MTR: variants seen among roughly 807,000 people sequenced by gnomAD.
The protein encoded by MTR is 5-methyltetrahydrofolate-homocysteine methyltransferase.
In MTR, 84 loss-of-function variants were observed where a neutral mutation model predicts 154.8. The observed-to-expected ratio is 0.54, with a 90% confidence interval of 0.45 to 0.65. The LOEUF is 0.65. Ranked by LOEUF, MTR falls within the 30% of genes least tolerant of loss-of-function variation. The pLI, the probability that MTR is intolerant of heterozygous loss-of-function variation, is 0.00. For synonymous variants in MTR, 554 were observed against 553.9 expected (o/e 1.00, Z 0.00); for missense variants, 1,275 against 1,570.2 (o/e 0.81, Z 3.18).
intron 14 of MTR, 126 bp downstream of exon 14, chr1:236,835,813 CAG>C (rs1369638767): frequency 3.7e-5 from 48 of 1,301,758 alleles, no homozygotes; most frequent in Non-Finnish European, 5.1e-5. Flanking sequence ...ACATCGAAAA[CAG>C]GGTAGTTTCT....
chr1:236,795,343 G>T lies in MTR; in HGVS notation c.-361G>T. 7.6e-7 allele frequency: 1 copy of T among 1,322,538 alleles called. No homozygotes were observed. The highest frequency in any genetic ancestry group is 1.3e-5 in the South Asian group (1 of 78,592). The allele number at this position is 1,322,538 out of a possible 1,614,324, so 81.9% of individuals were successfully genotyped here. ...TAAATGTCTGCGGGGCTCAGAGCCG[G>T]ATGTCACGTCGTCCTCCTCTGCCGG... On this transcript the variant is annotated 5_prime_UTR_variant, in exon 1 of 33. Coordinates refer to ENST00000366577, the MANE Select transcript of MTR (RefSeq NM_000254.3).
intron 22 of MTR, among the ~76,000 whole-genome samples, chr1:236,872,446 C>G (rs984405380): frequency 6.6e-6 from 1 of 152,156 alleles, no homozygotes; most frequent in African/African-American, 2.4e-5. Flanking sequence ...CAGGACCTGA[C>G]CTCTTTTTCA....
At position 236,854,447 on chromosome 1, in the gene MTR, A is replaced by C. The variant is rs1203549119; in HGVS notation, c.1953+1359A>C. On this transcript the variant is annotated intron_variant, in intron 18 of 32. Coordinates refer to ENST00000366577, the MANE Select transcript of MTR (RefSeq NM_000254.3). ...ATTTTTAATTTTTTTCCTATTGACC[A>C]CATAGAGTGCTTAGCCCTGTCGTCT... Among the ~76,000 whole-genome samples, 5 of 152,306 alleles carry C rather than the reference A, an allele frequency of 3.3e-5. No individual in the cohort carries two copies. In the East Asian group the frequency reaches 9.6e-4, roughly 29 times the overall value.
At chr1:236,809,548 TCA>T (rs1661183064) in intron 4 of MTR, among the ~76,000 whole-genome samples, 1 of 152,204 alleles carries the variant, frequency 6.6e-6, no homozygotes, top group African/African-American at 2.4e-5. Context: ...ATGTTTAAAT[TCA>T]TGGAAATGCA....
At position 236,852,256 on chromosome 1, in the gene MTR, CGT is replaced by C. The variant is rs3856242; in HGVS notation, c.1696-246_1696-245del. The stretch of plus-strand genomic sequence containing the variant: ...TAAGGAATTCCTCTTTGTCTTTCTG[CGT>C]GTGTGTGTGTGTGTGTGTACGCGCG... On this transcript the variant is annotated intron_variant, in intron 16 of 32. Transcript: ENST00000366577. Among the ~76,000 whole-genome samples the C allele has an allele frequency of 0.41, 61,154 of 150,160 alleles. 12,518 individuals are homozygous for C. Among genetic ancestry groups the C allele is most frequent in the East Asian group, 0.46 (2,314 of 5,066 alleles).
intron 20 of MTR, among the ~76,000 whole-genome samples, chr1:236,861,971 AG>A (rs1167182696): frequency 6.6e-6 from 1 of 152,168 alleles, no homozygotes; most frequent in Admixed American, 6.5e-5. Context: ...TCCTAGACAG[AG>A]GAAAAAAAAA....
chr1:236,814,769 T>C (rs1661492063), intron 6 of MTR, among the ~76,000 whole-genome samples: 2 of 152,180 alleles, frequency 1.3e-5, no homozygotes, highest in African/African-American at 2.4e-5. Context: ...CCCACCCCAT[T>C]TTCCAGAACT....
At chr1:236,845,184 T>C (rs1663497527) in intron 15 of MTR, among the ~76,000 whole-genome samples, 1 of 152,244 alleles carries the variant, frequency 6.6e-6, no homozygotes, top group Admixed American at 6.5e-5. Flanking sequence ...TTCCACATCC[T>C]GTGTTTACTC....
chr1:236,893,932 G>A (rs1174538014), intron 29 of MTR, among the ~76,000 whole-genome samples: 1 of 152,162 alleles, frequency 6.6e-6, no homozygotes, highest in Non-Finnish European at 1.5e-5. Flanking sequence ...GGAGAGTGGA[G>A]GCGCTTCCAT....
chr1:236,823,372 A>G (rs1405456406), intron 8 of MTR, among the ~76,000 whole-genome samples: 1 of 152,150 alleles, frequency 6.6e-6, no homozygotes, highest in African/African-American at 2.4e-5. Flanking sequence ...AAAAAGTTTC[A>G]TATTTTGAAG....
At chr1:236,877,695 A>G (rs939514337) in intron 24 of MTR, among the ~76,000 whole-genome samples, 2 of 152,170 alleles carry the variant, frequency 1.3e-5, no homozygotes, top group African/African-American at 2.4e-5. Context: ...CAATGCTGCT[A>G]TGAACACTTA....
At chr1:236,862,974 G>C (rs1451229964) in intron 21 of MTR, among the ~76,000 whole-genome samples, 1 of 151,384 alleles carries the variant, frequency 6.6e-6, no homozygotes, top group Non-Finnish European at 1.5e-5. Flanking sequence ...TTCTTTTTTT[G>C]GGGCAGTAGT....
rs1558347264 is a variant in MTR, at chr1:236,894,404, CT to C, written c.3254del (p.Phe1085SerfsTer23). The stretch of plus-strand genomic sequence containing the variant: ...CGGAGCCATACTACTGCCTCTCAGA[CT>C]TCATCGCTCCCTTGCATTCTGGCAT... ...STEPYYCLSDFIAPLHSGIRD... is the reference protein window; with the variant it reads ...STEPYYCLSDXIAPLHSGIRD... On this transcript the variant is annotated frameshift_variant, in exon 30 of 33. Coordinates refer to ENST00000366577, the MANE Select transcript of MTR (RefSeq NM_000254.3). LOFTEE classifies it high-confidence loss of function. 2 of 1,614,104 alleles carry C rather than the reference CT, an allele frequency of 1.2e-6. No individual in the cohort carries two copies.
rs558673187 is a variant in MTR at position 236,825,183 on chromosome 1, CTT to C, written c.866-153_866-152del. 6.4e-4 allele frequency among the ~76,000 whole-genome samples: 72 copies of C among 111,724 alleles called. 1 individual carries two copies. The South Asian group carries it at 0.019, about 30-fold the overall frequency. 73.3% of individuals were successfully genotyped at this position (111,724 alleles called of 152,430 possible). A position where few individuals can be genotyped will look rare whatever the true frequency, so the allele number is the denominator to read the frequency against. On this transcript the variant is annotated intron_variant, in intron 9 of 32. Transcript: ENST00000366577. Reference sequence around the variant, plus strand: ...TAGTTTTTTGGGGGGTGTGGTATCTCTTTGTTTACTGTGTGAATATTATGTGT... The same window carrying C: ...TAGTTTTTTGGGGGGTGTGGTATCTCTGTTTACTGTGTGAATATTATGTGT...
chr1:236,825,479 T>C, intron 10 of MTR, 80 bp downstream of exon 10: 1 of 1,375,828 alleles, frequency 7.3e-7, no homozygotes, highest in Non-Finnish European at 1.0e-6. Flanking sequence ...AGAAGGAGAA[T>C]TTTCCCTGAA....
rs1047397795 is a variant in MTR, at chr1:236,895,642, A to G, written c.3598+92A>G. On this transcript the variant is annotated intron_variant, in intron 31 of 32. Transcript: ENST00000366577. ...CACTTAGGGTTAAACATGTTTTTAAAATGGAAGGGCTTCTAATCACATTGT... is the reference window on the plus strand; with the variant it reads ...CACTTAGGGTTAAACATGTTTTTAAGATGGAAGGGCTTCTAATCACATTGT... The G allele has an allele frequency of 3.0e-6, 4 of 1,334,842 alleles. No homozygotes were observed. In the African/African-American group the frequency reaches 4.4e-5, roughly 15 times the overall value. 82.7% of individuals were successfully genotyped at this position (1,334,842 alleles called of 1,614,324 possible).
intron 14 of MTR, 129 bp from the exon 15 acceptor site, chr1:236,838,285 C>T: frequency 1.1e-6 from 1 of 924,342 alleles, no homozygotes; most frequent in South Asian, 1.5e-5. Flanking sequence ...AAAATTCTAT[C>T]TCTGACATAC....
intron 15 of MTR, among the ~76,000 whole-genome samples, chr1:236,849,848 T>C (rs1366992687): frequency 6.6e-6 from 1 of 152,184 alleles, no homozygotes; most frequent in Non-Finnish European, 1.5e-5. Flanking sequence ...TGAATATGCT[T>C]AGAATGTTTT....
At chr1:236,883,333 T>G (rs1304595004) in intron 25 of MTR, among the ~76,000 whole-genome samples, 3 of 152,164 alleles carry the variant, frequency 2.0e-5, no homozygotes, top group African/African-American at 7.2e-5. Context: ...GTCAAGTAAG[T>G]CAGACTGGGC....
Sources: allele counts gnomAD v4.1 joint callset (sites outside exome capture counted in the v4.1 genomes callset), GRCh38; gene constraint gnomAD v4.1.1; transcripts MANE v1.5; gene names NCBI Gene and HGNC (gene_info 2026-07-23, HGNC 2026-07-21).